CPVL: variants seen among roughly 807,000 people sequenced by gnomAD.
The protein encoded by CPVL is probable serine carboxypeptidase CPVL.
Under a neutral mutation model 63.7 loss-of-function variants are expected in CPVL, and 51 were observed. The observed-to-expected ratio is 0.80, with a 90% confidence interval of 0.64 to 1.01. The LOEUF is 1.01. CPVL is among the 50% of genes least tolerant of loss of function. CPVL has a pLI of 0.00. For synonymous variants in CPVL, 195 were observed against 206.0 expected (o/e 0.95, Z 0.46); for missense variants, 530 against 573.1 (o/e 0.92, Z 0.77).
At chr7:29,007,238 A>G (rs1157790049) in intron 12 of CPVL, among the ~76,000 whole-genome samples, 1 of 152,242 alleles carries the variant, frequency 6.6e-6, no homozygotes, top group Non-Finnish European at 1.5e-5. Context: ...AAATAATACA[A>G]TAAATTAGCT....
At chr7:29,069,033 GT>G (rs1783437003) in intron 9 of CPVL, among the ~76,000 whole-genome samples, 1 of 152,010 alleles carries the variant, frequency 6.6e-6, no homozygotes, top group South Asian at 2.1e-4. Context: ...ATAGGCCAGG[GT>G]CATTCTGAAT....
intron 3 of CPVL, among the ~76,000 whole-genome samples, chr7:29,098,936 G>A (rs1294060355): frequency 1.3e-5 from 2 of 152,072 alleles, no homozygotes; most frequent in African/African-American, 2.4e-5. Context: ...CTAGTGGCAC[G>A]TGTCTGTAAT....
chr7:29,095,608 A>C (rs1584248247), intron 4 of CPVL, among the ~76,000 whole-genome samples: 2 of 151,746 alleles, frequency 1.3e-5, no homozygotes, highest in Non-Finnish European at 2.9e-5. Flanking sequence ...AAAAAAAAAA[A>C]CAAAATGAGA....
intron 2 of CPVL, among the ~76,000 whole-genome samples, chr7:29,119,266 G>C (rs909051634): frequency 6.6e-6 from 1 of 152,156 alleles, no homozygotes; most frequent in Non-Finnish European, 1.5e-5. Context: ...GCAGGCAGAT[G>C]ACTTGAGGTC....
At chr7:29,188,801 G>A (rs534060071) in intron 1 of CPVL, among the ~76,000 whole-genome samples, 179 of 152,192 alleles carry the variant, frequency 1.2e-3, no homozygotes, top group Non-Finnish European at 1.9e-3. Context: ...AGTCGTCACC[G>A]GCATGGATAA....
At chr7:29,002,248 G>A (rs141872222) in intron 12 of CPVL, among the ~76,000 whole-genome samples, 14 of 152,238 alleles carry the variant, frequency 9.2e-5, no homozygotes, top group African/African-American at 3.4e-4. Context: ...GTCAAGGAGG[G>A]ACAGCACTGG....
chr7:29,138,133 G>C lies in CPVL; in HGVS notation c.-11+8296C>G, dbSNP rs373223903. 7.0e-4 allele frequency among the ~76,000 whole-genome samples: 107 copies of C among 152,264 alleles called. No homozygotes were observed. In the South Asian group the frequency reaches 8.9e-3, roughly 13 times the overall value. ...TAGTAATAATAGCGTGGAGAGGGCA[G>C]ACTTAAAAATAATTAGAAGGTTGAC... On this transcript the variant is annotated intron_variant, in intron 1 of 12. Transcript: ENST00000265394.
chr7:29,032,956 C>A (rs1297250494), intron 11 of CPVL, among the ~76,000 whole-genome samples: 1 of 152,176 alleles, frequency 6.6e-6, no homozygotes, highest in Non-Finnish European at 1.5e-5. Flanking sequence ...CAAGACTTAT[C>A]TTGTTAGTCA....
chr7:29,137,793 T>A (rs1244450775), intron 1 of CPVL, among the ~76,000 whole-genome samples: 1 of 152,166 alleles, frequency 6.6e-6, no homozygotes, highest in Non-Finnish European at 1.5e-5. Context: ...ATTTATAGCA[T>A]TTAAAAATTT....
At chr7:29,132,169 A>C (rs1790766074) in intron 1 of CPVL, among the ~76,000 whole-genome samples, 1 of 152,164 alleles carries the variant, frequency 6.6e-6, no homozygotes. Flanking sequence ...GGCATGAGAC[A>C]GTGTCTAGGA....
At chr7:29,124,320 T>C (rs1789742584) in intron 1 of CPVL, among the ~76,000 whole-genome samples, 1 of 152,158 alleles carries the variant, frequency 6.6e-6, no homozygotes, top group Non-Finnish European at 1.5e-5. Context: ...CTTGAAATAA[T>C]ATGAAAACAG....
chr7:29,191,183 C>T (rs1365973207), intron 1 of CPVL, among the ~76,000 whole-genome samples: 2 of 152,172 alleles, frequency 1.3e-5, no homozygotes, highest in African/African-American at 4.8e-5. Flanking sequence ...CCTCCCACCT[C>T]AACTTACTGA....
chr7:29,051,907 TATATATATTCCAC>T lies in CPVL; in HGVS notation c.1137+12141_1137+12153del, dbSNP rs1246729113. Among the ~76,000 whole-genome samples the T allele has an allele frequency of 2.1e-4, 30 of 145,738 alleles. No individual in the cohort carries two copies. The South Asian group carries it at 3.2e-3, about 16-fold the overall frequency. ...TGTGGTATATATAAATATAAATATA[TATATATATTCCAC>T]ATATATATATTCCAAATATATATAT... is the stretch of plus-strand genomic sequence containing the variant. On this transcript the variant is annotated intron_variant, in intron 11 of 12. Coordinates refer to ENST00000265394, the MANE Select transcript of CPVL (RefSeq NM_031311.5).
At chr7:29,181,054 A>T (rs1798006197) in intron 5 of CPVL, among the ~76,000 whole-genome samples, 1 of 152,254 alleles carries the variant, frequency 6.6e-6, no homozygotes, top group African/African-American at 2.4e-5. Context: ...TCTCCCTAGT[A>T]ATCAGTTAGA....
Position 29,064,110 on chromosome 7 carries a change from G to C in CPVL, c.1088C>G (p.Thr363Arg). 1 of 1,612,820 alleles carries C rather than the reference G, an allele frequency of 6.2e-7. No homozygotes were observed. Residue 363 changes from threonine to arginine, a missense_variant, in exon 11 of 13, where the codon ACA becomes AGA. Coordinates refer to ENST00000265394, the MANE Select transcript of CPVL (RefSeq NM_031311.5). ...TIVEKYLREDTVQSVKPWLTE... is the reference protein window; with the variant it reads ...TIVEKYLREDRVQSVKPWLTE... ...TAACCATGGCTTAACTGACTGTACT[G>C]TATCTTCTCGCAAGTACTTTTCAAC... is the stretch of plus-strand genomic sequence containing the variant.
chr7:29,062,729 T>C (rs920461448), intron 11 of CPVL, among the ~76,000 whole-genome samples: 16 of 152,196 alleles, frequency 1.1e-4, no homozygotes, highest in Non-Finnish European at 2.1e-4. Context: ...GAAATGAATA[T>C]TCAGCATGCC....
At chr7:29,103,249 T>TTG (rs1554339951) in intron 3 of CPVL, among the ~76,000 whole-genome samples, 19 of 18,106 alleles carry the variant, frequency 1.0e-3, no homozygotes, top group African/African-American at 9.3e-3. Flanking sequence ...TGTTGTTTTG[T>TTG]TTTTTTTTTT....
chr7:29,146,415 C>G lies in CPVL; in HGVS notation c.-11+14G>C, dbSNP rs549958548. ...CTGAGCTGGCACGACCCACGCAGGG[C>G]AGGCGGCACTTACGCGGCGCAGTCG... On this transcript the variant is annotated intron_variant, in intron 1 of 12. Transcript: ENST00000265394. 1.8e-5 allele frequency: 18 copies of G among 1,015,382 alleles called. No individual in the cohort carries two copies. Among genetic ancestry groups the G allele is most frequent in the African/African-American group, 1.1e-4 (7 of 61,506 alleles). 62.9% of individuals were successfully genotyped at this position (1,015,382 alleles called of 1,614,324 possible).
chr7:29,089,844 A>G (rs1190745025), intron 6 of CPVL, among the ~76,000 whole-genome samples: 3 of 149,438 alleles, frequency 2.0e-5, no homozygotes, highest in Admixed American at 6.7e-5. Flanking sequence ...TTCTACCTCC[A>G]TCTCACCATT....
Sources: allele counts gnomAD v4.1 joint callset (sites outside exome capture counted in the v4.1 genomes callset), GRCh38; gene constraint gnomAD v4.1.1; transcripts MANE v1.5; gene names NCBI Gene and HGNC (gene_info 2026-07-23, HGNC 2026-07-21).